Variants in DNAH11 observed in about 807,000 individuals in gnomAD.
The protein encoded by DNAH11 is dynein axonemal heavy chain 11, also known as axonemal beta dynein heavy chain 11.
Under a neutral mutation model 526.0 loss-of-function variants are expected in DNAH11, and 442 were observed. That is an observed-to-expected ratio of 0.84 (90% CI 0.78 to 0.91). DNAH11 has a LOEUF of 0.91. Among genes scored for constraint, DNAH11 ranks in the 40% least tolerant of loss-of-function variants. The pLI, the probability that DNAH11 is intolerant of heterozygous loss-of-function variation, is 0.00. For missense variants in DNAH11, 6,989 were observed against 5,448.7 expected (o/e 1.28, Z -8.90); for synonymous variants, 2,461 against 1,935.9 (o/e 1.27, Z -7.12).
At chr7:21,893,475 T>C (rs566881210) in intron 77 of DNAH11, among the ~76,000 whole-genome samples, 7 of 152,368 alleles carry the variant, frequency 4.6e-5, no homozygotes, top group Admixed American at 6.5e-5. Context: ...GTTTAAGATT[T>C]CAGGACCTGA....
At chr7:21,809,886 G>A (rs1161285170) in intron 63 of DNAH11, among the ~76,000 whole-genome samples, 2 of 152,080 alleles carry the variant, frequency 1.3e-5, no homozygotes, top group African/African-American at 4.8e-5. Flanking sequence ...TTTGCATATG[G>A]TGAAAGATGG....
At chr7:21,588,477 C>T (rs780569019) in intron 10 of DNAH11, 35 bp from the exon 11 acceptor site, 1 of 1,609,858 alleles carries the variant, frequency 6.2e-7, no homozygotes, top group South Asian at 1.1e-5. Flanking sequence ...CTAAATGTTC[C>T]CTTTCTTCCT....
In DNAH11 at chr7:21,717,900, C is replaced by G; in HGVS notation, c.7109C>G (p.Ser2370Ter). ...AGAACAAGCTTTAAAACCATCACTT[C>G]AATTCCTGAGAGTAGCCTGGTGCAG... ...KLRTSFKTIT[S>*]IPESSLVQTL... Residue 2370 changes from serine to a stop codon, truncating the protein, a stop_gained, in exon 43 of 82, where the codon TCA becomes TGA. Transcript: ENST00000409508. LOFTEE classifies it high-confidence loss of function. 6.2e-7 allele frequency: 1 copy of G among 1,613,602 alleles called. No homozygotes were observed. The highest frequency in any genetic ancestry group is 8.5e-7 in the Non-Finnish European group (1 of 1,179,672).
chr7:21,616,162 C>A (rs7785338), intron 21 of DNAH11, 47 bp from the exon 22 acceptor site: 11 of 1,459,374 alleles, frequency 7.5e-6, no homozygotes, highest in South Asian at 1.2e-5. Flanking sequence ...CAGAGACTTG[C>A]TTTCACCAAA....
chr7:21,668,298 G>A (rs1782500609), intron 30 of DNAH11, among the ~76,000 whole-genome samples: 1 of 151,982 alleles, frequency 6.6e-6, no homozygotes, highest in African/African-American at 2.4e-5. Context: ...TCTCTCTCCA[G>A]AGCAAAGGGC....
At chr7:21,897,726 C>T (rs1029992348) in intron 79 of DNAH11, among the ~76,000 whole-genome samples, 3 of 152,202 alleles carry the variant, frequency 2.0e-5, no homozygotes, top group African/African-American at 7.2e-5. Context: ...ACCGATTCTC[C>T]TGCCTTCAGC....
intron 63 of DNAH11, among the ~76,000 whole-genome samples, chr7:21,815,691 GT>G (rs1217285778): frequency 2.0e-5 from 3 of 152,194 alleles, no homozygotes; most frequent in Non-Finnish European, 2.9e-5. Context: ...AGTGTTTCAT[GT>G]ACGTAGAAAA....
intron 45 of DNAH11, among the ~76,000 whole-genome samples, chr7:21,733,484 G>GCCTAGAATTCAGCTA (rs202121894): frequency 0.011 from 1,704 of 152,288 alleles, 34 homozygotes; most frequent in African/African-American, 0.039. Context: ...TGTTCAGTCT[G>GCCTAGAATTCAGCTA]CCTAGAATTC....
At chr7:21,638,740 C>A (rs997176012) in intron 27 of DNAH11, among the ~76,000 whole-genome samples, 199 bp from the exon 28 acceptor site, 3 of 144,158 alleles carry the variant, frequency 2.1e-5, no homozygotes, top group African/African-American at 8.1e-5. Context: ...GTGTATTTGG[C>A]ATAGTACTCT....
At position 21,606,417 on chromosome 7, in the gene DNAH11, C is replaced by G. The variant is rs1340680714; in HGVS notation, c.3649-9C>G. 4 of 1,601,994 alleles carry G rather than the reference C, an allele frequency of 2.5e-6. 1 individual carries two copies. The South Asian group carries it at 4.6e-5, about 18-fold the overall frequency. ...AAGTAATTTCGCATTTGTGCCTTTG[C>G]TTTTGCAGGAATTACCTGAAAGATG... On this transcript the variant is annotated splice_polypyrimidine_tract_variant and intron_variant, in intron 18 of 81. Transcript: ENST00000409508.
intron 62 of DNAH11, among the ~76,000 whole-genome samples, chr7:21,804,714 T>C (rs1045363827): frequency 4.6e-5 from 7 of 152,126 alleles, no homozygotes; most frequent in Non-Finnish European, 2.9e-5. Context: ...ACCATGCTGG[T>C]CCAGGCTGTG....
Position 21,615,133 on chromosome 7 carries a change from C to T in DNAH11, c.3872C>T (p.Ala1291Val). The T allele has an allele frequency of 1.9e-6, 3 of 1,611,808 alleles. No homozygotes were observed. The highest frequency in any genetic ancestry group is 2.2e-5 in the East Asian group (1 of 44,746). ...ALDKANEELE[A>V]LEEEMLQMQE... Reference sequence around the variant, plus strand: ...CCTTAGGCAAATGAAGAGCTTGAGGCCTTAGAAGAAGAAATGTTGCAGATG... The same window carrying T: ...CCTTAGGCAAATGAAGAGCTTGAGGTCTTAGAAGAAGAAATGTTGCAGATG... Residue 1291 changes from alanine to valine, a missense_variant, in exon 21 of 82, where the codon GCC (alanine) becomes GTC (valine). Transcript: ENST00000409508.
intron 30 of DNAH11, among the ~76,000 whole-genome samples, chr7:21,679,541 G>A (rs1047503684): frequency 6.6e-6 from 1 of 152,140 alleles, no homozygotes; most frequent in African/African-American, 2.4e-5. Context: ...AAAGCCCAGG[G>A]GGTGGAGAAA....
At chr7:21,583,607 T>C (rs1460817961) in intron 9 of DNAH11, among the ~76,000 whole-genome samples, 2 of 151,922 alleles carry the variant, frequency 1.3e-5, no homozygotes, top group Non-Finnish European at 2.9e-5. Flanking sequence ...CTAAAATGCG[T>C]CTCCACAGCG....
chr7:21,796,896 TTTTTA>T (rs1583705315), intron 61 of DNAH11, among the ~76,000 whole-genome samples: 1 of 152,102 alleles, frequency 6.6e-6, no homozygotes, highest in East Asian at 1.9e-4. Context: ...AGTTGTTATT[TTTTTA>T]TTTTATTTTT....
intron 65 of DNAH11, among the ~76,000 whole-genome samples, chr7:21,822,743 CA>C (rs1790108111): frequency 6.6e-6 from 1 of 152,128 alleles, no homozygotes; most frequent in South Asian, 2.1e-4. Flanking sequence ...CAACAATGTA[CA>C]GGTGTTCCCC....
rs144124814 is a variant in DNAH11 at position 21,678,594 on chromosome 7, A to T, written c.5329-2952A>T. Among the ~76,000 whole-genome samples the T allele has an allele frequency of 4.8e-3, 732 of 152,296 alleles. 4 individuals are homozygous for T. The highest frequency in any genetic ancestry group is 0.017 in the African/African-American group (701 of 41,560). On this transcript the variant is annotated intron_variant, in intron 30 of 81. Coordinates refer to ENST00000409508, the MANE Select transcript of DNAH11 (RefSeq NM_001277115.2). ...GTTTTTTCTACATCTGCAAAAAAAAAAATGGCATCAAAATCTTGATGCAGT... is the reference window on the plus strand; with the variant it reads ...GTTTTTTCTACATCTGCAAAAAAAATAATGGCATCAAAATCTTGATGCAGT...
chr7:21,547,609 C>G (rs1782853094), intron 2 of DNAH11, among the ~76,000 whole-genome samples: 1 of 152,144 alleles, frequency 6.6e-6, no homozygotes, highest in Non-Finnish European at 1.5e-5. Context: ...TTTTTGATTT[C>G]CCAATAACGA....
chr7:21,814,747 A>T (rs189522187), intron 63 of DNAH11, among the ~76,000 whole-genome samples: 202 of 152,236 alleles, frequency 1.3e-3, no homozygotes, highest in Middle Eastern at 6.8e-3. Flanking sequence ...TTGTATATGC[A>T]GTCCATCATT....
Sources: allele counts gnomAD v4.1 joint callset (sites outside exome capture counted in the v4.1 genomes callset), GRCh38; gene constraint gnomAD v4.1.1; transcripts MANE v1.5; gene names NCBI Gene and HGNC (gene_info 2026-07-23, HGNC 2026-07-21).